Variants in CNOT1 observed in about 807,000 individuals in gnomAD.
The protein encoded by CNOT1 is CCR4-associated factor 1.
In CNOT1, 15 loss-of-function variants were observed where a neutral mutation model predicts 273.8. The observed-to-expected ratio is 0.05, with a 90% confidence interval of 0.04 to 0.08. The LOEUF (loss-of-function observed/expected upper bound fraction) is 0.08. CNOT1 is among the 10% of genes least tolerant of loss of function. The pLI is 1.00. For synonymous variants in CNOT1, 1,022 were observed against 1,005.5 expected, an observed-to-expected ratio of 1.02 and a Z score of -0.31; for missense variants, 1,644 against 2,912.2, an observed-to-expected ratio of 0.56 and a Z score of 10.02.
At chr16:58,554,993 G>C (rs2040585679) in intron 21 of CNOT1, among the ~76,000 whole-genome samples, 1 of 143,202 alleles carries the variant, frequency 7.0e-6, no homozygotes, top group South Asian at 2.3e-4. Context: ...AATAATCCCA[G>C]CACTTTCAGA....
chr16:58,568,684 T>TA (rs1210757532), intron 16 of CNOT1, among the ~76,000 whole-genome samples: 125 of 150,604 alleles, frequency 8.3e-4, no homozygotes, highest in African/African-American at 9.3e-4. Context: ...CGTCTCGATT[T>TA]TAAAAAAAAG....
chr16:58,625,750 T>C (rs2043546441), intron 1 of CNOT1, among the ~76,000 whole-genome samples: 1 of 150,970 alleles, frequency 6.6e-6, no homozygotes. Context: ...TCCCAGCTAC[T>C]CAGGGGCTGA....
At chr16:58,588,270 G>C (rs538374039) in intron 3 of CNOT1, among the ~76,000 whole-genome samples, 2 of 151,912 alleles carry the variant, frequency 1.3e-5, no homozygotes, top group African/African-American at 4.8e-5. Flanking sequence ...CCTGGGTGAC[G>C]AGAGAGAGAC....
intron 1 of CNOT1, among the ~76,000 whole-genome samples, chr16:58,626,159 G>C (rs2043571611): frequency 6.6e-6 from 1 of 152,138 alleles, no homozygotes; most frequent in Non-Finnish European, 1.5e-5. Context: ...TGTAATCCCA[G>C]CACTTCGGGA....
intron 17 of CNOT1, among the ~76,000 whole-genome samples, chr16:58,559,002 T>C (rs1053134112): frequency 6.6e-6 from 1 of 152,254 alleles, no homozygotes; most frequent in African/African-American, 2.4e-5. Flanking sequence ...AACAATCCCA[T>C]CATGGGGATG....
At chr16:58,581,124 A>C (rs2041643699) in intron 11 of CNOT1, among the ~76,000 whole-genome samples, 1 of 151,090 alleles carries the variant, frequency 6.6e-6, no homozygotes, top group Non-Finnish European at 1.5e-5. Context: ...ACATCATTAA[A>C]CTATTGGGAA....
chr16:58,607,367 T>G (rs2042716230), intron 1 of CNOT1, among the ~76,000 whole-genome samples: 1 of 152,120 alleles, frequency 6.6e-6, no homozygotes, highest in Admixed American at 6.6e-5. Context: ...TACCTTTTGT[T>G]TGTATATATG....
intron 16 of CNOT1, among the ~76,000 whole-genome samples, chr16:58,562,533 C>T (rs965603617): frequency 4.1e-5 from 6 of 147,210 alleles, no homozygotes; most frequent in Non-Finnish European, 6.0e-5. Flanking sequence ...AAAAAAGCGG[C>T]GGGGGGGCGG....
chr16:58,524,230 T>A (rs37052), intron 46 of CNOT1, among the ~76,000 whole-genome samples: 91,925 of 142,530 alleles, frequency 0.64, 30,497 homozygotes, highest in East Asian at 0.97. Context: ...AGCCTGGGTG[T>A]GAGAGCAAGA....
intron 1 of CNOT1, among the ~76,000 whole-genome samples, chr16:58,601,825 C>G (rs2042478087): frequency 6.8e-6 from 1 of 147,364 alleles, no homozygotes; most frequent in Non-Finnish European, 1.5e-5. Context: ...TCGCTTGAAC[C>G]CAGGAGTTTG....
intron 16 of CNOT1, among the ~76,000 whole-genome samples, chr16:58,561,272 A>G (rs1228618707): frequency 6.6e-6 from 1 of 152,212 alleles, no homozygotes; most frequent in Non-Finnish European, 1.5e-5. Context: ...TTTTCTGAGT[A>G]CTGGCTTTCT....
chr16:58,555,156 C>T (rs564502455), intron 21 of CNOT1, 95 bp downstream of exon 21: 6 of 1,523,552 alleles, frequency 3.9e-6, no homozygotes, highest in East Asian at 2.3e-5. Flanking sequence ...TGCAGTGAGC[C>T]GAGATTGCGC....
At chr16:58,593,388 C>T (rs1487095708) in intron 2 of CNOT1, among the ~76,000 whole-genome samples, 1 of 152,012 alleles carries the variant, frequency 6.6e-6, no homozygotes, top group Admixed American at 6.6e-5. Flanking sequence ...GGAGAAACCT[C>T]GTCTCTACTA....
chr16:58,529,713 T>C (rs1391671648), intron 43 of CNOT1, among the ~76,000 whole-genome samples: 1 of 151,840 alleles, frequency 6.6e-6, no homozygotes, highest in African/African-American at 2.4e-5. Context: ...TGGTGGCACA[T>C]GCCTGTAGTC....
intron 1 of CNOT1, among the ~76,000 whole-genome samples, chr16:58,627,754 T>G (rs1052715155): frequency 6.6e-6 from 1 of 152,168 alleles, no homozygotes; most frequent in Non-Finnish European, 1.5e-5. Context: ...AACCGTACCT[T>G]AAAACTTCTA....
intron 22 of CNOT1, among the ~76,000 whole-genome samples, chr16:58,552,467 T>G (rs1000457693): frequency 1.3e-5 from 2 of 152,188 alleles, no homozygotes; most frequent in African/African-American, 4.8e-5. Flanking sequence ...TCTGGCTATC[T>G]TGCTACAGTG....
chr16:58,600,134 C>T (rs146445016), intron 1 of CNOT1, among the ~76,000 whole-genome samples: 10 of 151,910 alleles, frequency 6.6e-5, no homozygotes, highest in African/African-American at 2.4e-4. Context: ...TGTCTGAGAT[C>T]AGGAGTTCGT....
At chr16:58,585,231 G>C in intron 8 of CNOT1, 107 bp downstream of exon 8, 1 of 1,500,552 alleles carries the variant, frequency 6.7e-7, no homozygotes, top group South Asian at 1.2e-5. Flanking sequence ...CATGCCTCTT[G>C]AGAAGAAAAG....
At chr16:58,622,958 G>A (rs1488716062) in intron 1 of CNOT1, among the ~76,000 whole-genome samples, 2 of 152,076 alleles carry the variant, frequency 1.3e-5, no homozygotes, top group African/African-American at 2.4e-5. Context: ...AGCACTTAGG[G>A]AGGCCAAGGC....
Sources: allele counts gnomAD v4.1 joint callset (sites outside exome capture counted in the v4.1 genomes callset), GRCh38; gene constraint gnomAD v4.1.1; transcripts MANE v1.5; gene names NCBI Gene and HGNC (gene_info 2026-07-23, HGNC 2026-07-21).